Variants in USP24 observed in about 807,000 individuals in gnomAD.
The protein encoded by USP24 is ubiquitin carboxyl-terminal hydrolase 24.
In USP24, 97 loss-of-function variants were observed where a neutral mutation model predicts 361.6. That is an observed-to-expected ratio of 0.27 (90% CI 0.23 to 0.32). The LOEUF (loss-of-function observed/expected upper bound fraction) is 0.32. Ranked by LOEUF, USP24 falls within the 10% of genes least tolerant of loss-of-function variation. The pLI is 1.00. For synonymous variants in USP24, 1,098 were observed against 1,124.6 expected, an observed-to-expected ratio of 0.98 and a Z score of 0.47; for missense variants, 2,353 against 3,165.6, an observed-to-expected ratio of 0.74 and a Z score of 6.16.
chr1:55,149,561 G>A (rs1483169224), intron 16 of USP24, among the ~76,000 whole-genome samples: 1 of 152,090 alleles, frequency 6.6e-6, no homozygotes, highest in Non-Finnish European at 1.5e-5. Context: ...TTGCCTCATA[G>A]GGATCAGCCA....
chr1:55,187,363 T>A (rs56929294), intron 1 of USP24, among the ~76,000 whole-genome samples: 285 of 152,328 alleles, frequency 1.9e-3, no homozygotes, highest in African/African-American at 6.8e-3. Flanking sequence ...AAATACTGAA[T>A]GCTTTTCTCT....
chr1:55,093,686 CA>C (rs1295631163), intron 52 of USP24: 2 of 348,354 alleles, frequency 5.7e-6, no homozygotes, highest in African/African-American at 4.1e-5. Flanking sequence ...TGACATTTCA[CA>C]CTCACAGAGC....
chr1:55,101,284 A>G (rs1278745909), intron 43 of USP24, among the ~76,000 whole-genome samples: 2 of 152,232 alleles, frequency 1.3e-5, no homozygotes, highest in East Asian at 3.8e-4. Context: ...TAGACCCTAT[A>G]TATTTCTAAA....
chr1:55,080,094 C>T (rs1416571202), intron 59 of USP24, among the ~76,000 whole-genome samples: 2 of 152,224 alleles, frequency 1.3e-5, no homozygotes, highest in African/African-American at 4.8e-5. Flanking sequence ...GAAGACACTT[C>T]TGTTCCTCAA....
chr1:55,081,559 A>G, intron 58 of USP24, 135 bp from the exon 59 acceptor site: 1 of 828,160 alleles, frequency 1.2e-6, no homozygotes, highest in Non-Finnish European at 2.0e-6. Context: ...AGGTCAAGGT[A>G]CAAAAAAATC....
At position 55,132,536 on chromosome 1, in the gene USP24, G is replaced by C. The variant is rs562729684; in HGVS notation, c.3537+9C>G. ...TCAAAATGAAATGGAAAGAAATTAG[G>C]TTTCTTACTTCTAAGTTGTAGAGCA... On this transcript the variant is annotated intron_variant, in intron 31 of 67. Coordinates refer to ENST00000294383, the MANE Select transcript of USP24 (RefSeq NM_015306.3). The C allele has an allele frequency of 1.9e-6, 3 of 1,601,908 alleles. No individual in the cohort carries two copies. The East Asian group carries it at 6.7e-5, about 36-fold the overall frequency.
rs576357503 is a variant in USP24, at chr1:55,109,766, G to GA, written c.4570+418dup. On this transcript the variant is annotated intron_variant, in intron 39 of 67. Transcript: ENST00000294383. ...TTAAAATCTCAGCACACTAACAAAA[G>GA]AATTTCTAACCATGATACTTTACAA... 3.8e-3 allele frequency among the ~76,000 whole-genome samples: 580 copies of GA among 152,212 alleles called. 4 individuals carry two copies. The highest frequency in any genetic ancestry group is 0.013 in the African/African-American group (543 of 41,556).
At chr1:55,109,398 T>C (rs1262673214) in intron 39 of USP24, among the ~76,000 whole-genome samples, 1 of 152,224 alleles carries the variant, frequency 6.6e-6, no homozygotes, top group African/African-American at 2.4e-5. Context: ...TTGTATGAAA[T>C]TTCTTTTAGA....
In USP24 at chr1:55,113,576, C is replaced by CA. The variant is rs1376263469; in HGVS notation, c.4509-3331dup. Among the ~76,000 whole-genome samples, 3 of 152,136 alleles carry CA rather than the reference C, an allele frequency of 2.0e-5. No individual in the cohort carries two copies. In the East Asian group the frequency reaches 5.8e-4, roughly 29 times the overall value. On this transcript the variant is annotated intron_variant, in intron 38 of 67. Coordinates refer to ENST00000294383, the MANE Select transcript of USP24 (RefSeq NM_015306.3). ...ATACCAAAACCTGGCAGAGACACAACAAAAAAAGAAAATTTCGGGCCAATA... is the reference window on the plus strand; with the variant it reads ...ATACCAAAACCTGGCAGAGACACAACAAAAAAAAGAAAATTTCGGGCCAATA...
In USP24 at chr1:55,092,916, T is replaced by A; in HGVS notation, c.6355A>T (p.Met2119Leu). The part of the protein sequence containing the change: ...VEKMPARIYQ[M>L]VRDENLKFMK... ...AACTTGAGGTTCTCATCTCTCACCA[T>A]CTACAAAAGAAGATTAATAATTATT... Residue 2119 changes from methionine (M) to leucine (L), a missense_variant and splice_region_variant, in exon 53 of 68, where the codon ATG becomes TTG. Around this residue, in one of 8 missense-constraint regions of USP24, gnomAD observed 598 missense variants for 761.9 expected, o/e 0.78. Coordinates refer to ENST00000294383, the MANE Select transcript of USP24 (RefSeq NM_015306.3). The A allele has an allele frequency of 6.5e-7, 1 of 1,540,548 alleles. No homozygotes were observed. The highest frequency in any genetic ancestry group is 8.7e-7 in the Non-Finnish European group (1 of 1,143,366).
At chr1:55,161,161 C>T (rs1466452479) in intron 8 of USP24, among the ~76,000 whole-genome samples, 1 of 151,986 alleles carries the variant, frequency 6.6e-6, no homozygotes, top group African/African-American at 2.4e-5. Context: ...ATCACGAGGT[C>T]AGGAGTTTGA....
intron 1 of USP24, among the ~76,000 whole-genome samples, chr1:55,199,105 C>T (rs1253995969): frequency 1.3e-5 from 2 of 152,002 alleles, no homozygotes; most frequent in South Asian, 4.1e-4. Flanking sequence ...GCTTGGCCAA[C>T]AGGCAAAATC....
chr1:55,210,316 AT>A (rs1410718385), intron 1 of USP24, among the ~76,000 whole-genome samples: 2 of 152,148 alleles, frequency 1.3e-5, no homozygotes, highest in African/African-American at 2.4e-5. Context: ...CCCTATTTTT[AT>A]TTCATCTACT....
intron 1 of USP24, among the ~76,000 whole-genome samples, chr1:55,206,705 A>T (rs1169585836): frequency 6.6e-6 from 1 of 151,522 alleles, no homozygotes; most frequent in Admixed American, 6.6e-5. Context: ...AAACCAGAGT[A>T]GTAACAGTGA....
chr1:55,170,481 C>T (rs1362356770), intron 5 of USP24, among the ~76,000 whole-genome samples: 1 of 152,166 alleles, frequency 6.6e-6, no homozygotes, highest in African/African-American at 2.4e-5. Flanking sequence ...GGCAATACTG[C>T]ATATGGTTAA....
intron 43 of USP24, 30 bp downstream of exon 43, chr1:55,101,553 CG>C: frequency 6.3e-7 from 1 of 1,578,630 alleles, no homozygotes. Flanking sequence ...TATTATCTAT[CG>C]TACCAAAAAG....
intron 16 of USP24, chr1:55,152,042 G>A (rs1647212053): frequency 2.1e-6 from 2 of 967,336 alleles, no homozygotes; most frequent in African/African-American, 3.5e-5. Context: ...CCCCCTGCCT[G>A]GAGCCATATC....
rs184211951 is a variant in USP24, at chr1:55,188,739, G to C, written c.325-10607C>G. 3.6e-4 allele frequency among the ~76,000 whole-genome samples: 54 copies of C among 151,876 alleles called. 1 individual carries two copies. The highest frequency in any genetic ancestry group is 6.6e-4 in the Admixed American group (10 of 15,252). ...TTTGGGAGGCTGAGGCAGGTGGATT[G>C]CCTGAGATCAGGAGTTCGAGACCAG... is the stretch of plus-strand genomic sequence containing the variant. On this transcript the variant is annotated intron_variant, in intron 1 of 67. Transcript: ENST00000294383.
Position 55,165,928 on chromosome 1 carries a change from G to C in USP24, c.884C>G (p.Ala295Gly). 6.2e-7 allele frequency: 1 copy of C among 1,606,544 alleles called. No individual in the cohort carries two copies. The highest frequency in any genetic ancestry group is 8.5e-7 in the Non-Finnish European group (1 of 1,175,684). ...TGAATGGAGCTTGGCTTGGATTGCTGCAAATCCACCTAATTCTCCAAACTG... is the reference window on the plus strand; with the variant it reads ...TGAATGGAGCTTGGCTTGGATTGCTCCAAATCCACCTAATTCTCCAAACTG... ...VNKFGELGGFAAIQAKLHSED... is the reference protein window; with the variant it reads ...VNKFGELGGFGAIQAKLHSED... The change falls in exon 7 of 68, where the codon GCA becomes GGA. Residue 295 changes from alanine (A) to glycine (G), a missense_variant. By Grantham distance (60) the Ala-to-Gly change is moderately conservative (BLOSUM62 0). Transcript: ENST00000294383.
Sources: gnomAD v4.1 joint callset for allele counts (sites outside exome capture counted in the v4.1 genomes callset) on GRCh38, gnomAD v4.1.1 for gene constraint, gnomAD v4.1.1 regional missense constraint, MANE v1.5 for transcripts, NCBI Gene and HGNC (gene_info 2026-07-23, HGNC 2026-07-21) for gene names.